HSD11B1: variants seen among roughly 807,000 people sequenced by gnomAD.
HSD11B1 encodes the protein 11-beta-hydroxysteroid dehydrogenase 1.
HSD11B1 carries 15 observed loss-of-function variants against 22.1 expected under a neutral mutation model. That is an observed-to-expected ratio of 0.68 (90% CI 0.45 to 1.04). The LOEUF (loss-of-function observed/expected upper bound fraction) is 1.04, where lower values mean the gene tolerates loss of function less well. HSD11B1 is among the 50% of genes least tolerant of loss of function. The pLI is 0.00. For missense variants in HSD11B1, 281 were observed against 357.6 expected, an observed-to-expected ratio of 0.79 and a Z score of 1.73; for synonymous variants, 122 against 125.2, an observed-to-expected ratio of 0.97 and a Z score of 0.17.
At chr1:209,724,472 T>A (rs948506887) in intron 4 of HSD11B1, among the ~76,000 whole-genome samples, 1 of 152,218 alleles carries the variant, frequency 6.6e-6, no homozygotes, top group African/African-American at 2.4e-5. Context: ...GCACAGGTGG[T>A]CTGGAACCTC....
At chr1:209,697,989 C>CCAGT (rs943853215) in intron 1 of HSD11B1, among the ~76,000 whole-genome samples, 1 of 135,916 alleles carries the variant, frequency 7.4e-6, no homozygotes, top group African/African-American at 2.6e-5. Flanking sequence ...TTTGGCCTCC[C>CCAGT]CAGTGGCTGG....
At chr1:209,690,392 G>T (rs1375977888) in intron 1 of HSD11B1, among the ~76,000 whole-genome samples, 1 of 152,028 alleles carries the variant, frequency 6.6e-6, no homozygotes. Context: ...AGCGCAATTG[G>T]ACATTTAAAA....
chr1:209,708,380 G>A (rs1378769001), intron 4 of HSD11B1, among the ~76,000 whole-genome samples: 3 of 152,162 alleles, frequency 2.0e-5, no homozygotes, highest in Non-Finnish European at 4.4e-5. Context: ...CATCTGTATC[G>A]TAAAGAGTTC....
chr1:209,701,409 A>G (rs777760529), upstream of HSD11B1, among the ~76,000 whole-genome samples: 1 of 152,196 alleles, frequency 6.6e-6, no homozygotes, highest in Non-Finnish European at 1.5e-5. Context: ...ACCAGCCTCC[A>G]TGATTCAATT....
intron 1 of HSD11B1, among the ~76,000 whole-genome samples, chr1:209,690,680 A>T (rs1463962906): frequency 6.6e-6 from 1 of 152,156 alleles, no homozygotes; most frequent in Non-Finnish European, 1.5e-5. Context: ...CTGAGCGACA[A>T]GAGTGGAATT....
At chr1:209,711,219 C>A (rs2076892720) in intron 4 of HSD11B1, among the ~76,000 whole-genome samples, 1 of 152,170 alleles carries the variant, frequency 6.6e-6, no homozygotes, top group African/African-American at 2.4e-5. Context: ...TGATGTTTTG[C>A]ATAGACAAGG....
At chr1:209,704,520 T>TC (rs960405241), upstream of HSD11B1, among the ~76,000 whole-genome samples, 1 of 151,998 alleles carries the variant, frequency 6.6e-6, no homozygotes, top group Non-Finnish European at 1.5e-5. Context: ...TACTCACATT[T>TC]CCCCCCAGAA....
At chr1:209,701,226 G>A (rs1275414789), upstream of HSD11B1, among the ~76,000 whole-genome samples, 1 of 152,178 alleles carries the variant, frequency 6.6e-6, no homozygotes, top group Non-Finnish European at 1.5e-5. Flanking sequence ...GGTTTAATTG[G>A]ACTTACAGTT....
intron 4 of HSD11B1, among the ~76,000 whole-genome samples, chr1:209,716,023 A>G (rs2076927651): frequency 6.6e-6 from 1 of 152,210 alleles, no homozygotes; most frequent in Middle Eastern, 3.2e-3. Flanking sequence ...AATAATTGGA[A>G]CTAAACAAGG....
At chr1:209,697,992 G>A (rs1028746284) in intron 1 of HSD11B1, among the ~76,000 whole-genome samples, 7 of 134,502 alleles carry the variant, frequency 5.2e-5, no homozygotes. Context: ...GGCCTCCCCA[G>A]TGGCTGGGAT....
intron 4 of HSD11B1, among the ~76,000 whole-genome samples, chr1:209,708,783 T>C (rs1017643572): frequency 3.9e-5 from 6 of 152,228 alleles, no homozygotes; most frequent in African/African-American, 1.4e-4. Flanking sequence ...AGAATTACTG[T>C]TGAGCCCAAG....
chr1:209,725,821 C>T (rs973247602), intron 4 of HSD11B1, among the ~76,000 whole-genome samples: 12 of 152,128 alleles, frequency 7.9e-5, no homozygotes, highest in African/African-American at 2.9e-4. Flanking sequence ...GTTAATGGTC[C>T]TTATTTGCAC....
chr1:209,698,235 G>A (rs2076805468), intron 1 of HSD11B1, among the ~76,000 whole-genome samples: 1 of 151,836 alleles, frequency 6.6e-6, no homozygotes, highest in East Asian at 1.9e-4. Context: ...CAGACAGACA[G>A]GCATCCTTAA....
At chr1:209,702,469 G>A (rs550217146), upstream of HSD11B1, among the ~76,000 whole-genome samples, 1 of 152,254 alleles carries the variant, frequency 6.6e-6, no homozygotes, top group Non-Finnish European at 1.5e-5. Context: ...GACACAAAGT[G>A]GATTAGATGT....
At chr1:209,705,086 T>G in intron 1 of HSD11B1, 56 bp downstream of exon 1, 2 of 1,360,684 alleles carry the variant, frequency 1.5e-6, no homozygotes, top group East Asian at 4.6e-5. Flanking sequence ...ACAGGGGTGC[T>G]TGAGTGTTCC....
intron 4 of HSD11B1, among the ~76,000 whole-genome samples, chr1:209,726,622 A>G (rs1395009653): frequency 6.6e-6 from 1 of 152,106 alleles, no homozygotes. Context: ...TTTAAACCAT[A>G]CAAGCATCCA....
chr1:209,709,794 T>C (rs2076882829), intron 4 of HSD11B1, among the ~76,000 whole-genome samples: 1 of 152,242 alleles, frequency 6.6e-6, no homozygotes, highest in Non-Finnish European at 1.5e-5. Context: ...AAAGGGAACA[T>C]GTGTCCAACT....
intron 4 of HSD11B1, among the ~76,000 whole-genome samples, chr1:209,721,344 T>C (rs2076965090): frequency 6.6e-6 from 1 of 151,352 alleles, no homozygotes; most frequent in Non-Finnish European, 1.5e-5. Flanking sequence ...TTGGGGGAGA[T>C]GGGACATGAG....
upstream of HSD11B1, chr1:209,704,783 C>T (rs2076845735): frequency 1.6e-6 from 1 of 629,578 alleles, no homozygotes; most frequent in Non-Finnish European, 2.9e-6. Flanking sequence ...CCAATCGCTG[C>T]TCTGACAGGG....
Sources: allele counts gnomAD v4.1 joint callset (sites outside exome capture counted in the v4.1 genomes callset), GRCh38; gene constraint gnomAD v4.1.1; transcripts MANE v1.5; gene names NCBI Gene and HGNC (gene_info 2026-07-23, HGNC 2026-07-21).